PSMD10: variants seen among roughly 807,000 people sequenced by gnomAD.
PSMD10 encodes 26S proteasome non-ATPase regulatory subunit 10.
Under a neutral mutation model 13.2 loss-of-function variants are expected in PSMD10, and 2 were observed. The observed-to-expected ratio is 0.15, with a 90% CI of 0.06 to 0.48. The LOEUF is 0.48. PSMD10 is among the 20% of genes least tolerant of loss of function. PSMD10 has a pLI of 0.97. For synonymous variants in PSMD10, 66 were observed against 64.4 expected, an observed-to-expected ratio of 1.03 and a Z score of -0.12; for missense variants, 120 against 167.4, an observed-to-expected ratio of 0.72 and a Z score of 1.56.
chrX:108,086,155 G>A (rs807179), intron 4 of PSMD10, among the ~76,000 whole-genome samples: 5,894 of 111,998 alleles, frequency 0.053, 418 homozygotes, highest in African/African-American at 0.18. Context: ...AAGACTCACA[G>A]AACTTCTGGT....
rs2031520300 is a variant in PSMD10, at chrX:108,088,099, C to T, written c.214G>A (p.Ala72Thr). ...LGVPVNDKDD[A>T]GWSPLHIAAS... is the part of the protein sequence containing the mutation. ...GCAATATGAAGAGGAGACCAACCTGCCTATAAAAGAAGTAGGTAGTAGAAA... is the reference window on the plus strand; with the variant it reads ...GCAATATGAAGAGGAGACCAACCTGTCTATAAAAGAAGTAGGTAGTAGAAA... Residue 72 changes from alanine to threonine, a missense_variant and splice_region_variant, in exon 3 of 5, where the codon GCA becomes ACA. Around this residue, in one of 3 missense-constraint regions of PSMD10, gnomAD observed 68 missense variants for 124.8 expected, o/e 0.54. Transcript: ENST00000217958. 2 of 1,198,031 alleles carry T rather than the reference C, an allele frequency of 1.7e-6. No homozygotes were observed. The highest frequency in any genetic ancestry group is 1.1e-6 in the Non-Finnish European group (1 of 887,045).
Position 108,085,116 on chromosome X carries a change from C to T in PSMD10, c.539G>A (p.Cys180Tyr). Residue 180 changes from cysteine to tyrosine, a missense_variant, in exon 5 of 5, where the codon TGT becomes TAT. Physicochemically the swap from Cys to Tyr is radical, Grantham distance 194. This residue lies in a region of PSMD10 where 68 missense variants were observed against 124.8 expected (regional missense o/e 0.54). Coordinates refer to ENST00000217958, the MANE Select transcript of PSMD10 (RefSeq NM_002814.4). Reference protein sequence around the residue: ...TEGNTPLHLACDEERVEEAKL... With the variant: ...TEGNTPLHLAYDEERVEEAKL... Reference sequence around the variant, plus strand: ...TGCTTCTTCCACTCTCTCCTCATCACAGGCTAAGTGTCTGAAATCAGGGAC... The same window carrying T: ...TGCTTCTTCCACTCTCTCCTCATCATAGGCTAAGTGTCTGAAATCAGGGAC... 1 of 1,203,038 alleles carries T rather than the reference C, an allele frequency of 8.3e-7. No individual in the cohort carries two copies. The highest frequency in any genetic ancestry group is 1.1e-6 in the Non-Finnish European group (1 of 891,513).
At chrX:108,091,374 C>G (rs1267634175) in intron 1 of PSMD10, 33 bp downstream of exon 1, 1 of 1,181,667 alleles carries the variant, frequency 8.5e-7, no homozygotes. Context: ...TCGCCGACGT[C>G]GCCGACTGCG....
At chrX:108,087,063 C>T (rs186167089) in intron 4 of PSMD10, 221 of 111,681 alleles carry the variant, frequency 2.0e-3, no homozygotes, top group Non-Finnish European at 2.8e-3. Context: ...GTAGTTAGTA[C>T]TACAGGTGCA....
chrX:108,088,183 C>T (rs2031521618), intron 2 of PSMD10, 84 bp from the exon 3 acceptor site: 2 of 1,003,469 alleles, frequency 2.0e-6, no homozygotes, highest in African/African-American at 1.9e-5. Context: ...TAGCAAGGAG[C>T]TTTACAAAGG....
rs1170480740 is a variant in PSMD10, at chrX:108,088,892, C to A, written c.115-42G>T. 6.0e-6 allele frequency: 6 copies of A among 997,253 alleles called. No individual in the cohort carries two copies. In the Admixed American group the frequency reaches 8.5e-5, roughly 14 times the overall value. The allele number at this position is 997,253 out of a possible 1,213,427, so 82.2% of individuals were successfully genotyped here. A position where few individuals can be genotyped will look rare whatever the true frequency, so the allele number is the denominator to read the frequency against. On this transcript the variant is annotated intron_variant, in intron 1 of 4. Coordinates refer to ENST00000217958, the MANE Select transcript of PSMD10 (RefSeq NM_002814.4). ...ATAGAAACATTCTTGAAATAGAAGGCAAAAAAGCAAGAAAAAAAATACTGG... is the reference window on the plus strand; with the variant it reads ...ATAGAAACATTCTTGAAATAGAAGGAAAAAAAGCAAGAAAAAAAATACTGG...
Position 108,085,015 on chromosome X carries a change from C to A in PSMD10, c.640G>T (p.Gly214Cys). The A allele has an allele frequency of 8.3e-7, 1 of 1,208,210 alleles. No individual in the cohort carries two copies. ...CTCTTGAGTATTAAACCCAGGCCAC[C>A]TTTGGCCACTTGCAGGGGTGTCTTT... ...EEKTPLQVAKGGLGLILKRMV... is the reference protein window; with the variant it reads ...EEKTPLQVAKCGLGLILKRMV... Residue 214 changes from glycine to cysteine, a missense_variant, in exon 5 of 5, where the codon GGT (glycine) becomes TGT (cysteine). Physicochemically the swap from Gly to Cys is radical, Grantham distance 159. This residue lies in a region of PSMD10 where 20 missense variants were observed against 16.4 expected (regional missense o/e 1.22). Transcript: ENST00000217958.
intron 4 of PSMD10, among the ~76,000 whole-genome samples, chrX:108,085,599 CA>C (rs761552865): frequency 8.9e-6 from 1 of 112,153 alleles, no homozygotes; most frequent in Admixed American, 9.4e-5. Context: ...CATCATTTTA[CA>C]GTTGAAATGG....
chrX:108,088,530 C>T, intron 2 of PSMD10: 1 of 375,516 alleles, frequency 2.7e-6, no homozygotes. Context: ...TCAGCCTCTC[C>T]TGTATGTTTA....
chrX:108,088,883 A>C, intron 1 of PSMD10, 33 bp from the exon 2 acceptor site: 1 of 1,049,516 alleles, frequency 9.5e-7, no homozygotes, highest in Non-Finnish European at 1.3e-6. Context: ...ACATTCTTGA[A>C]ATAGAAGGCA....
chrX:108,088,760 T>C lies in PSMD10; in HGVS notation c.205A>G (p.Lys69Glu), dbSNP rs2031528717. ...TTTATCAAAGTACTCACATCGTCTT[T>C]ATCATTCACTGGCACTCCAAGTTGC... is the stretch of plus-strand genomic sequence containing the variant. ...LLQLGVPVND[K>E]DDAGWSPLHI... The change falls in exon 2 of 5, where the codon AAA becomes GAA. Residue 69 changes from lysine (K) to glutamate (E), a missense_variant. Physicochemically the swap from Lys to Glu is moderately conservative, Grantham distance 56 (BLOSUM62 1). This residue lies in a region of PSMD10 where 68 missense variants were observed against 124.8 expected (regional missense o/e 0.54). Transcript: ENST00000217958. The C allele has an allele frequency of 1.7e-6, 2 of 1,199,825 alleles. No homozygotes were observed. The highest frequency in any genetic ancestry group is 1.7e-5 in the African/African-American group (1 of 57,734).
chrX:108,086,830 T>C (rs961338450), intron 4 of PSMD10, among the ~76,000 whole-genome samples: 5 of 112,031 alleles, frequency 4.5e-5, no homozygotes, highest in Admixed American at 3.8e-4. Context: ...ATATAGCAAG[T>C]CTTAAAATGT....
intron 1 of PSMD10, among the ~76,000 whole-genome samples, chrX:108,091,060 AT>A (rs1424517089): frequency 8.8e-6 from 1 of 113,429 alleles, no homozygotes; most frequent in South Asian, 3.5e-4. Flanking sequence ...GGGGCGTTCA[AT>A]TTCACATGCG....
intron 1 of PSMD10, 46 bp downstream of exon 1, chrX:108,091,361 G>T: frequency 8.7e-7 from 1 of 1,147,210 alleles, no homozygotes; most frequent in Non-Finnish European, 1.2e-6. Flanking sequence ...GCCACGTAGG[G>T]CTTCGCCGAC....
chrX:108,087,435 A>G, intron 4 of PSMD10: 1 of 312,803 alleles, frequency 3.2e-6, no homozygotes. Context: ...TTGCTAAAAA[A>G]TATGTATGTA....
intron 4 of PSMD10, 138 bp from the exon 5 acceptor site, chrX:108,085,265 T>G (rs1183417601): frequency 1.3e-5 from 8 of 618,818 alleles, no homozygotes; most frequent in Non-Finnish European, 1.9e-5. Flanking sequence ...GAAAGAAACA[T>G]CAGTTTGCAT....
chrX:108,084,675 T>C lies in PSMD10; in HGVS notation c.*299A>G, dbSNP rs967853421. On this transcript the variant is annotated 3_prime_UTR_variant, in exon 5 of 5. Transcript: ENST00000217958. Reference sequence around the variant, plus strand: ...GTTTCAGAGAGGGATATAAGGTACATGGGAGGGTGCTGAAGACTCACAACA... The same window carrying C: ...GTTTCAGAGAGGGATATAAGGTACACGGGAGGGTGCTGAAGACTCACAACA... 3.8e-5 allele frequency: 7 copies of C among 184,210 alleles called. No individual in the cohort carries two copies. The highest frequency in any genetic ancestry group is 7.0e-5 in the Non-Finnish European group (7 of 100,228). 15.2% of individuals were successfully genotyped at this position (184,210 alleles called of 1,213,427 possible).
chrX:108,088,726 C>G (rs1391860122), intron 2 of PSMD10, 26 bp downstream of exon 2: 5 of 1,125,279 alleles, frequency 4.4e-6, no homozygotes, highest in Middle Eastern at 2.7e-4. Context: ...GGGAATTTAT[C>G]AACTCAACTT....
chrX:108,088,707 A>G, intron 2 of PSMD10, 45 bp downstream of exon 2: 1 of 1,061,403 alleles, frequency 9.4e-7, no homozygotes, highest in Non-Finnish European at 1.3e-6. Flanking sequence ...CTGGAGTACA[A>G]AGATAACTGG....
Sources: allele counts gnomAD v4.1 joint callset (sites outside exome capture counted in the v4.1 genomes callset), GRCh38; gene constraint gnomAD v4.1.1; regional missense constraint gnomAD v4.1.1; transcripts MANE v1.5; gene names NCBI Gene and HGNC (gene_info 2026-07-23, HGNC 2026-07-21).